SULT1C3: variants seen among roughly 807,000 people sequenced by gnomAD.
SULT1C3 encodes sulfotransferase 1C3.
In SULT1C3, 31 loss-of-function variants were observed where a neutral mutation model predicts 28.4. The ratio of observed to expected loss-of-function variants is 1.09; its 90% CI spans 0.82 to 1.47. SULT1C3 has a LOEUF of 1.47. Among genes scored for constraint, SULT1C3 ranks in the 40% most tolerant of loss-of-function variants. The pLI, the probability that SULT1C3 is intolerant of heterozygous loss-of-function variation, is 0.00. For synonymous variants in SULT1C3, 106 were observed against 92.2 expected (o/e 1.15, Z -0.86); for missense variants, 307 against 272.5 (o/e 1.13, Z -0.89).
chr2:108,254,444 T>C (rs1335498668), intron 4 of SULT1C3, among the ~76,000 whole-genome samples: 1 of 151,992 alleles, frequency 6.6e-6, no homozygotes, highest in Non-Finnish European at 1.5e-5. Context: ...TATTGGGGTA[T>C]CTGTGCATGT....
rs1381242557 is a variant in SULT1C3, at chr2:108,259,024, A to C, written c.680A>C (p.Asp227Ala). 2.5e-5 allele frequency: 8 copies of C among 324,216 alleles called. No individual in the cohort carries two copies. The highest frequency in any genetic ancestry group is 1.5e-4 in the African/African-American group (7 of 48,178). 20.1% of individuals were successfully genotyped at this position (324,216 alleles called of 1,614,324 possible). ...TTCTTGGAGAAAACTTGGTCAGGTG[A>C]TGTTATAAACAAGATTGTCCACCAT... ...LEFLEKTWSG[D>A]VINKIVHHTS... The change falls in exon 7 of 8, where the codon GAT becomes GCT. Residue 227 changes from aspartate to alanine, a missense_variant. Asp to Ala is a moderately radical substitution (Grantham distance 126, BLOSUM62 -2). Transcript: ENST00000681802.
rs555442912 is a variant in SULT1C3 at position 108,259,049 on chromosome 2, T to C, written c.705T>C (p.His235=). ...SGDVINKIVH[H]TSFDVMKDNP... ...ATGTTATAAACAAGATTGTCCACCA[T>C]ACCTCATTTGATGTAATGAAGGATA... The change falls in exon 7 of 8, where the codon CAT becomes CAC. Residue 235 remains histidine (H), a synonymous_variant. Coordinates refer to ENST00000681802, the MANE Select transcript of SULT1C3 (RefSeq NM_001320878.2). 4.5e-6 allele frequency: 3 copies of C among 665,822 alleles called. No individual in the cohort carries two copies. The highest frequency in any genetic ancestry group is 2.9e-5 in the East Asian group (1 of 34,210). 41.2% of individuals were successfully genotyped at this position (665,822 alleles called of 1,614,324 possible).
chr2:108,241,696 G>A (rs941187336), intron 1 of SULT1C3, among the ~76,000 whole-genome samples: 1 of 152,172 alleles, frequency 6.6e-6, no homozygotes, highest in Non-Finnish European at 1.5e-5. Context: ...GGGAGGCCCA[G>A]GTGGGTGGGT....
intron 1 of SULT1C3, among the ~76,000 whole-genome samples, chr2:108,246,757 A>G (rs1483103376): frequency 2.0e-5 from 3 of 152,208 alleles, no homozygotes; most frequent in Non-Finnish European, 2.9e-5. Context: ...ATTTTCTTCA[A>G]TGTAATTGTC....
At chr2:108,241,768 A>C (rs1011047105) in intron 1 of SULT1C3, among the ~76,000 whole-genome samples, 2 of 152,148 alleles carry the variant, frequency 1.3e-5, no homozygotes, top group Non-Finnish European at 2.9e-5. Context: ...TCTAGTAAAA[A>C]TACAAAAAAT....
chr2:108,247,426 G>C, intron 2 of SULT1C3, 60 bp downstream of exon 2: 2 of 1,379,530 alleles, frequency 1.4e-6, no homozygotes, highest in Non-Finnish European at 1.9e-6. Context: ...TGCATAATCT[G>C]TATTGATAAA....
At chr2:108,258,629 C>A in intron 5 of SULT1C3, 105 bp from the exon 6 acceptor site, 3 of 810,814 alleles carry the variant, frequency 3.7e-6, no homozygotes, top group Admixed American at 2.4e-5. Context: ...GTTAAGGAAC[C>A]AGAACGATAG....
intron 1 of SULT1C3, among the ~76,000 whole-genome samples, chr2:108,243,296 G>C (rs919995794): frequency 6.6e-6 from 1 of 152,162 alleles, no homozygotes; most frequent in African/African-American, 2.4e-5. Flanking sequence ...CTGGTTTACA[G>C]TTTATACTTT....
At chr2:108,251,820 GA>G (rs1675731554) in intron 2 of SULT1C3, among the ~76,000 whole-genome samples, 1 of 151,918 alleles carries the variant, frequency 6.6e-6, no homozygotes, top group Admixed American at 6.6e-5. Context: ...GGGCAAAAGT[GA>G]TTAATAACAT....
chr2:108,260,767 G>A lies in SULT1C3; in HGVS notation c.*87G>A, dbSNP rs865943234. On this transcript the variant is annotated 3_prime_UTR_variant, in exon 8 of 8. Coordinates refer to ENST00000681802, the MANE Select transcript of SULT1C3 (RefSeq NM_001320878.2). ...GAGCAAGGAACTGTGACTGAATGTG[G>A]AGCTTATGAGCTTCAGTCCATCTCC... 1 of 412,798 alleles carries A rather than the reference G, an allele frequency of 2.4e-6. No homozygotes were observed. Among genetic ancestry groups the A allele is most frequent in the East Asian group, 7.1e-5 (1 of 14,108 alleles). 25.6% of individuals were successfully genotyped at this position (412,798 alleles called of 1,614,324 possible). A position where few individuals can be genotyped will look rare whatever the true frequency, so the allele number is the denominator to read the frequency against.
chr2:108,254,118 C>T (rs1345682407), intron 4 of SULT1C3, among the ~76,000 whole-genome samples: 1 of 151,934 alleles, frequency 6.6e-6, no homozygotes, highest in Non-Finnish European at 1.5e-5. Context: ...GAGGTATTTC[C>T]CCACTATAAA....
downstream of SULT1C3, chr2:108,264,803 G>C: frequency 6.3e-7 from 1 of 1,590,318 alleles, no homozygotes; most frequent in Non-Finnish European, 8.6e-7. Context: ...TGATTTGTTT[G>C]GTGTGACTGT....
chr2:108,262,267 C>A (rs950786254), downstream of SULT1C3, among the ~76,000 whole-genome samples: 2 of 152,132 alleles, frequency 1.3e-5, no homozygotes, highest in Non-Finnish European at 2.9e-5. Context: ...GCTCGGGCCC[C>A]AGGTACTGTC....
chr2:108,260,468 C>T, intron 7 of SULT1C3, 100 bp from the exon 8 acceptor site: 1 of 359,158 alleles, frequency 2.8e-6, no homozygotes, highest in Admixed American at 3.1e-5. Context: ...GACCCTCACT[C>T]ATGGGAAAAT....
At chr2:108,263,264 T>C (rs1558668138), downstream of SULT1C3, among the ~76,000 whole-genome samples, 1 of 152,186 alleles carries the variant, frequency 6.6e-6, no homozygotes, top group Admixed American at 6.5e-5. Flanking sequence ...TATTTTGTCA[T>C]GTTGTAAGGC....
At chr2:108,252,043 T>TGATA (rs142166802) in intron 2 of SULT1C3, among the ~76,000 whole-genome samples, 11 of 151,668 alleles carry the variant, frequency 7.3e-5, no homozygotes, top group African/African-American at 1.7e-4. Flanking sequence ...TACTAAAAGA[T>TGATA]GATAGATAGA....
chr2:108,254,800 C>CATATATATGTATATATGTGT (rs1675828387), intron 4 of SULT1C3, among the ~76,000 whole-genome samples: 1 of 146,630 alleles, frequency 6.8e-6, no homozygotes, highest in South Asian at 2.2e-4. Context: ...TGTATGTATG[C>CATATATATGTATATATGTGT]ATATATATGT....
chr2:108,258,621 T>C, intron 5 of SULT1C3, 113 bp from the exon 6 acceptor site: 1 of 757,828 alleles, frequency 1.3e-6, no homozygotes, highest in Middle Eastern at 2.6e-4. Flanking sequence ...TCCACTTCGT[T>C]AAGGAACCAG....
intron 2 of SULT1C3, among the ~76,000 whole-genome samples, chr2:108,250,608 T>C (rs528082408): frequency 6.6e-6 from 1 of 151,570 alleles, no homozygotes; most frequent in Non-Finnish European, 1.5e-5. Context: ...CACAACACTA[T>C]AGCAGACTTA....
Sources: gnomAD v4.1 joint callset for allele counts (sites outside exome capture counted in the v4.1 genomes callset) on GRCh38, gnomAD v4.1.1 for gene constraint, MANE v1.5 for transcripts, NCBI Gene and HGNC (gene_info 2026-07-23, HGNC 2026-07-21) for gene names.